LIX1L: variants seen among roughly 807,000 people sequenced by gnomAD.
LIX1L encodes the protein LIX1-like protein.
Under a neutral mutation model 34.0 loss-of-function variants are expected in LIX1L, and 20 were observed. The observed-to-expected ratio is 0.59, with a 90% CI of 0.41 to 0.85. The LOEUF (loss-of-function observed/expected upper bound fraction) is 0.85, where lower values mean the gene tolerates loss of function less well. Ranked by LOEUF, LIX1L falls within the 40% of genes least tolerant of loss-of-function variation. The pLI, the probability that LIX1L is intolerant of heterozygous loss-of-function variation, is 0.00. For missense variants in LIX1L, 397 were observed against 447.0 expected, an observed-to-expected ratio of 0.89 and a Z score of 1.01; for synonymous variants, 170 against 187.4, an observed-to-expected ratio of 0.91 and a Z score of 0.76.
chr1:145,957,791 G>T lies in LIX1L; in HGVS notation c.137C>A (p.Pro46Gln). The change falls in exon 1 of 6, where the codon CCG becomes CAG. Residue 46 changes from proline (P) to glutamine (Q), a missense_variant. Transcript: ENST00000604000. ...ATPPAGPPPA[P>Q]PPPAPPPPPL... is the part of the protein sequence containing the mutation. Reference sequence around the variant, plus strand: ...CGGCGGGGGCGGTGCGGGAGGCGGCGGGGCAGGCGGGGGGCCCGCAGGGGG... The same window carrying T: ...CGGCGGGGGCGGTGCGGGAGGCGGCTGGGCAGGCGGGGGGCCCGCAGGGGG... 1 of 1,340,110 alleles carries T rather than the reference G, an allele frequency of 7.5e-7. No homozygotes were observed. Among genetic ancestry groups the T allele is most frequent in the Non-Finnish European group, 9.5e-7 (1 of 1,052,460 alleles). 83.0% of individuals were successfully genotyped at this position (1,340,110 alleles called of 1,614,324 possible).
At chr1:145,947,896 CCCTA>C in intron 1 of LIX1L, 114 bp from the exon 2 acceptor site, 1 of 831,462 alleles carries the variant, frequency 1.2e-6, no homozygotes. Context: ...CCCCTTAGCT[CCCTA>C]CCTATCGCCA....
intron 1 of LIX1L, among the ~76,000 whole-genome samples, chr1:145,955,795 G>A (rs180765743): frequency 3.9e-5 from 6 of 152,294 alleles, no homozygotes; most frequent in South Asian, 2.1e-4. Flanking sequence ...AAATCACCAC[G>A]AAGTGTGAAG....
At chr1:145,955,759 G>A (rs587747199) in intron 1 of LIX1L, among the ~76,000 whole-genome samples, 1 of 152,312 alleles carries the variant, frequency 6.6e-6, no homozygotes, top group Non-Finnish European at 1.5e-5. Context: ...GAAAGACTGC[G>A]ATGGGAGGTG....
At chr1:145,945,302 A>AAC (rs1649059760) in intron 2 of LIX1L, among the ~76,000 whole-genome samples, 1 of 149,934 alleles carries the variant, frequency 6.7e-6, no homozygotes, top group African/African-American at 2.4e-5. Flanking sequence ...CTCTGTCTCA[A>AAC]AAAAAAAAAA....
At chr1:145,945,858 C>T (rs1649085878) in intron 2 of LIX1L, among the ~76,000 whole-genome samples, 1 of 142,708 alleles carries the variant, frequency 7.0e-6, no homozygotes, top group Non-Finnish European at 1.5e-5. Context: ...GAGGCCAAGG[C>T]GGGTGGATTA....
chr1:145,942,887 T>C, intron 2 of LIX1L, 34 bp from the exon 3 acceptor site: 1 of 1,609,104 alleles, frequency 6.2e-7, no homozygotes, highest in East Asian at 2.2e-5. Context: ...AATATGTGTA[T>C]TTGTGCATAT....
rs570209774 is a variant in LIX1L at position 145,942,807 on chromosome 1, G to T, written c.503C>A (p.Ala168Glu). 1 of 1,613,826 alleles carries T rather than the reference G, an allele frequency of 6.2e-7. No homozygotes were observed. Among genetic ancestry groups the T allele is most frequent in the Non-Finnish European group, 8.5e-7 (1 of 1,179,888 alleles). Residue 168 changes from alanine to glutamate, a missense_variant, in exon 3 of 6, where the codon GCG becomes GAG. Transcript: ENST00000604000. ...AEARRSAAKI[A>E]LMNSVFNEHP... ...TTCATTAAACACAGAATTCATTAGCGCAATCTTTGCAGCACTCCTCCGGGC... is the reference window on the plus strand; with the variant it reads ...TTCATTAAACACAGAATTCATTAGCTCAATCTTTGCAGCACTCCTCCGGGC...
rs2101887936 is a variant in LIX1L at position 145,933,772 on chromosome 1, G to C, written c.*2538C>G. The C allele has an allele frequency of 6.6e-6, 1 of 151,994 alleles. No homozygotes were observed. Among genetic ancestry groups the C allele is most frequent in the South Asian group, 2.1e-4 (1 of 4,816 alleles). The allele number at this position is 151,994 out of a possible 1,614,324, so 9.4% of individuals were successfully genotyped here. A position where few individuals can be genotyped will look rare whatever the true frequency, so the allele number is the denominator to read the frequency against. ...GACGTGTTTCATGGAATACAAACAT[G>C]GGGCTTCTACCCCAGCTCTCTTCTG... is the stretch of plus-strand genomic sequence containing the variant. On this transcript the variant is annotated 3_prime_UTR_variant, in exon 6 of 6. Coordinates refer to ENST00000604000, the MANE Select transcript of LIX1L (RefSeq NM_153713.3).
Position 145,957,821 on chromosome 1 carries a change from GC to G in LIX1L, c.106del (p.Ala36ProfsTer50). ...PGVTGAAAATATPPAGPPPAP... is the reference protein window; with the variant it reads ...PGVTGAAAATXTPPAGPPPAP... The stretch of plus-strand genomic sequence containing the variant: ...AGGCGGGGGGCCCGCAGGGGGTGTG[GC>G]GGTGGCGGCCGCGGCCCCAGTCACT... On this transcript the variant is annotated frameshift_variant, in exon 1 of 6. Transcript: ENST00000604000. LOFTEE classifies it high-confidence loss of function. The G allele has an allele frequency of 7.2e-7, 1 of 1,397,574 alleles. No individual in the cohort carries two copies. Among genetic ancestry groups the G allele is most frequent in the Non-Finnish European group, 9.3e-7 (1 of 1,077,828 alleles). The allele number at this position is 1,397,574 out of a possible 1,614,324, so 86.6% of individuals were successfully genotyped here.
chr1:145,942,725 C>T lies in LIX1L; in HGVS notation c.585G>A (p.Leu195=). ...EFIEKSVSEA[L]ASFNGNREEA... ...CCATACAACTTACATTAAAAGATGC[C>T]AGGGCCTCAGAGACACTCTTCTCGA... Residue 195 remains leucine (L), a synonymous_variant, in exon 3 of 6, where the codon CTG becomes CTA. Transcript: ENST00000604000. 1 of 1,614,044 alleles carries T rather than the reference C, an allele frequency of 6.2e-7. No homozygotes were observed. The highest frequency in any genetic ancestry group is 8.5e-7 in the Non-Finnish European group (1 of 1,179,990).
intron 3 of LIX1L, among the ~76,000 whole-genome samples, chr1:145,939,493 G>A (rs1648803163): frequency 6.6e-6 from 1 of 151,860 alleles, no homozygotes. Context: ...TTTTAGTAGA[G>A]ATGGGGTTTT....
At chr1:145,939,614 A>G (rs1340705008) in intron 3 of LIX1L, among the ~76,000 whole-genome samples, 1 of 150,468 alleles carries the variant, frequency 6.6e-6, no homozygotes, top group East Asian at 1.9e-4. Flanking sequence ...GCCAGGAACC[A>G]TAATTGCTTT....
At chr1:145,938,428 T>C (rs1378295037) in intron 3 of LIX1L, among the ~76,000 whole-genome samples, 1 of 152,274 alleles carries the variant, frequency 6.6e-6, no homozygotes, top group East Asian at 1.9e-4. Context: ...GTTAAGAGCA[T>C]GGACTGGAGC....
intron 1 of LIX1L, among the ~76,000 whole-genome samples, chr1:145,951,327 G>A (rs587610145): frequency 4.6e-5 from 7 of 152,300 alleles, no homozygotes; most frequent in South Asian, 2.1e-4. Context: ...GATTACAGGC[G>A]TGAGCCACCG....
In LIX1L at chr1:145,957,972, G is replaced by T. The variant is rs782023931; in HGVS notation, c.-45C>A. ...GCGCCCCGGAGCCTGCCAGCCTGCC[G>T]AGCTAACGGTCCCAACCACCCCAGT... On this transcript the variant is annotated 5_prime_UTR_variant, in exon 1 of 6. Transcript: ENST00000604000. 3.0e-6 allele frequency: 4 copies of T among 1,347,960 alleles called. No homozygotes were observed. The highest frequency in any genetic ancestry group is 3.9e-6 in the Non-Finnish European group (4 of 1,030,124). 83.5% of individuals were successfully genotyped at this position (1,347,960 alleles called of 1,614,324 possible).
chr1:145,953,082 CA>C (rs1417555405), intron 1 of LIX1L, among the ~76,000 whole-genome samples: 2 of 151,716 alleles, frequency 1.3e-5, no homozygotes, highest in African/African-American at 2.4e-5. Flanking sequence ...CTGGATAATT[CA>C]AAAAAATTTT....
intron 1 of LIX1L, among the ~76,000 whole-genome samples, chr1:145,956,454 A>G (rs1162329210): frequency 6.6e-6 from 1 of 152,214 alleles, no homozygotes; most frequent in African/African-American, 2.4e-5. Flanking sequence ...TCCATATTGT[A>G]ACCCTTGAAG....
intron 1 of LIX1L, 63 bp downstream of exon 1, chr1:145,957,573 G>A: frequency 7.2e-7 from 1 of 1,395,194 alleles, no homozygotes; most frequent in Non-Finnish European, 9.3e-7. Context: ...CGATCCGGAG[G>A]ACTGTGGGAG....
intron 1 of LIX1L, among the ~76,000 whole-genome samples, chr1:145,954,492 A>G (rs74119669): frequency 0.07 from 10,723 of 152,262 alleles, 1,289 homozygotes; most frequent in African/African-American, 0.24. Context: ...ACTACACAAG[A>G]TTCATTTGTT....
Sources: allele counts gnomAD v4.1 joint callset (sites outside exome capture counted in the v4.1 genomes callset), GRCh38; gene constraint gnomAD v4.1.1; transcripts MANE v1.5; gene names NCBI Gene and HGNC (gene_info 2026-07-23, HGNC 2026-07-21).